The following SLC45A4 variants were observed in gnomAD, a reference collection of about 807,000 sequenced individuals.
SLC45A4 encodes the protein polyamine-transporter SLC45A4.
Under a neutral mutation model 63.7 loss-of-function variants are expected in SLC45A4, and 32 were observed. That is an observed-to-expected ratio of 0.50 (90% CI 0.38 to 0.67). The LOEUF (loss-of-function observed/expected upper bound fraction) is 0.67. Ranked by LOEUF, SLC45A4 falls within the 30% of genes least tolerant of loss-of-function variation. The pLI is 0.00. For synonymous variants in SLC45A4, 535 were observed against 510.0 expected, an observed-to-expected ratio of 1.05 and a Z score of -0.66; for missense variants, 1,027 against 1,157.7, an observed-to-expected ratio of 0.89 and a Z score of 1.64.
intron 1 of SLC45A4, among the ~76,000 whole-genome samples, chr8:141,287,142 A>T (rs1282218445): frequency 6.6e-6 from 1 of 152,152 alleles, no homozygotes; most frequent in African/African-American, 2.4e-5. Flanking sequence ...TCATTCTACA[A>T]CTGAAAACCA....
Position 141,256,031 on chromosome 8 carries a change from TC to T in SLC45A4, c.-400-1403del, listed in dbSNP as rs1828760822. On this transcript the variant is annotated intron_variant, in intron 1 of 8. Transcript: ENST00000517878. The surrounding 1 kb of genome is among the most constrained non-coding windows in gnomAD (Gnocchi z 4.3). ...CTACGGAACCCTATCACCCCAACCC[TC>T]GGCTTTCCACCACCCTGCCTCCAGT... Among the ~76,000 whole-genome samples the T allele has an allele frequency of 6.6e-6, 1 of 152,004 alleles. No homozygotes were observed. Among genetic ancestry groups the T allele is most frequent in the Non-Finnish European group, 1.5e-5 (1 of 67,994 alleles).
intron 2 of SLC45A4, among the ~76,000 whole-genome samples, chr8:141,242,098 C>T (rs1329715499): frequency 1.3e-5 from 2 of 152,202 alleles, no homozygotes; most frequent in Non-Finnish European, 2.9e-5. Flanking sequence ...AGGCGCATCC[C>T]GCCAAGTGTG....
intron 7 of SLC45A4, among the ~76,000 whole-genome samples, chr8:141,214,447 C>T (rs536087105): frequency 4.6e-5 from 7 of 152,228 alleles, no homozygotes; most frequent in African/African-American, 1.4e-4. Flanking sequence ...AATAGAAGGG[C>T]ATGTCACACT....
intron 1 of SLC45A4, among the ~76,000 whole-genome samples, chr8:141,269,618 A>C (rs1165276432): frequency 1.4e-5 from 2 of 144,092 alleles, no homozygotes; most frequent in African/African-American, 5.3e-5. Context: ...ATGTCTGCCT[A>C]TGTGTCTGTG....
chr8:141,249,558 G>A (rs948541763), intron 2 of SLC45A4, among the ~76,000 whole-genome samples: 23 of 152,184 alleles, frequency 1.5e-4, no homozygotes, highest in Admixed American at 1.4e-3. Context: ...TGGGGGCAGC[G>A]GGGGCTGATG....
At chr8:141,232,101 G>C (rs1025125941) in intron 2 of SLC45A4, among the ~76,000 whole-genome samples, 2 of 152,236 alleles carry the variant, frequency 1.3e-5, no homozygotes, top group Non-Finnish European at 2.9e-5. Flanking sequence ...CTACAGAAGG[G>C]GTCTTCAGGG....
At chr8:141,282,494 TCAGGGCACGCCGCC>T (rs1829991361) in intron 1 of SLC45A4, among the ~76,000 whole-genome samples, 1 of 152,138 alleles carries the variant, frequency 6.6e-6, no homozygotes, top group South Asian at 2.1e-4. Context: ...AGGCCGCCGC[TCAGGGCACGCCGCC>T]TCCATCGCTG....
intron 1 of SLC45A4, among the ~76,000 whole-genome samples, chr8:141,296,500 T>TAA (rs35777679): frequency 0.012 from 1,348 of 107,932 alleles, 15 homozygotes; most frequent in South Asian, 0.039. Flanking sequence ...CCTCATTTCT[T>TAA]AAAAAAAAAA....
chr8:141,302,993 CTTTTT>C (rs55974270), intron 1 of SLC45A4, among the ~76,000 whole-genome samples: 12 of 97,254 alleles, frequency 1.2e-4, no homozygotes, highest in Admixed American at 2.1e-4. Flanking sequence ...CTTACAATGT[CTTTTT>C]TTTTTTTTTT....
At chr8:141,225,673 C>T in intron 2 of SLC45A4, 1 of 152,716 alleles carries the variant, frequency 6.5e-6, no homozygotes, top group Non-Finnish European at 1.5e-5. Flanking sequence ...CCGTCCCCAG[C>T]CCAGAAGGGA....
rs1569558203 is a variant in SLC45A4 at position 141,227,528 on chromosome 8, T to G, written c.242-5763A>C. 6.6e-6 allele frequency among the ~76,000 whole-genome samples: 1 copy of G among 152,116 alleles called. No homozygotes were observed. The highest frequency in any genetic ancestry group is 2.4e-5 in the African/African-American group (1 of 41,416). ...AAAGGCTTAGCATCCTTGAGTGACCTCTGATGAATTTAAGTCAAGGAACAC... is the reference window on the plus strand; with the variant it reads ...AAAGGCTTAGCATCCTTGAGTGACCGCTGATGAATTTAAGTCAAGGAACAC... On this transcript the variant is annotated intron_variant, in intron 2 of 8. Transcript: ENST00000517878. This position sits in a 1 kb window ranked among gnomAD's most constrained non-coding sequence, Gnocchi z 4.4.
chr8:141,220,250 G>C (rs922978929), intron 3 of SLC45A4, among the ~76,000 whole-genome samples: 5 of 152,320 alleles, frequency 3.3e-5, no homozygotes, highest in African/African-American at 1.2e-4. Flanking sequence ...ACAACCCGCA[G>C]GGGACACTGA....
chr8:141,260,003 C>T (rs1828982748), intron 1 of SLC45A4, among the ~76,000 whole-genome samples: 1 of 152,198 alleles, frequency 6.6e-6, no homozygotes, highest in Non-Finnish European at 1.5e-5. Context: ...CAGCCACCGG[C>T]TTATGCGTCC....
chr8:141,250,401 G>GT (rs34533385), intron 2 of SLC45A4, among the ~76,000 whole-genome samples: 50,157 of 143,582 alleles, frequency 0.35, 8,646 homozygotes, highest in East Asian at 0.47. Context: ...GGTGTGAGTG[G>GT]TTTTTTTTTT....
chr8:141,274,269 C>A (rs536200598), intron 1 of SLC45A4, among the ~76,000 whole-genome samples: 10 of 151,974 alleles, frequency 6.6e-5, no homozygotes, highest in African/African-American at 2.4e-4. Context: ...TGTGGTAGCT[C>A]ACGCCTGTAA....
At chr8:141,240,075 T>C (rs1046279597) in intron 2 of SLC45A4, among the ~76,000 whole-genome samples, 1 of 152,234 alleles carries the variant, frequency 6.6e-6, no homozygotes, top group Admixed American at 6.5e-5. Flanking sequence ...CAATGAAGAA[T>C]GGAAAGTCTG....
rs1279973429 is a variant in SLC45A4 at position 141,247,088 on chromosome 8, CAT to C, written c.241+6899_241+6900del. Among the ~76,000 whole-genome samples the C allele has an allele frequency of 3.3e-5, 5 of 152,258 alleles. No homozygotes were observed. The East Asian group carries it at 9.6e-4, about 29-fold the overall frequency. The stretch of plus-strand genomic sequence containing the variant: ...GGAAAAAACCGAATGAAGCTGAAAG[CAT>C]AGTCTTTGAAAAGACCAACAAAATT... On this transcript the variant is annotated intron_variant, in intron 2 of 8. Coordinates refer to ENST00000517878, the MANE Select transcript of SLC45A4 (RefSeq NM_001286646.2).
At chr8:141,273,491 G>A (rs908153597) in intron 1 of SLC45A4, among the ~76,000 whole-genome samples, 1 of 152,096 alleles carries the variant, frequency 6.6e-6, no homozygotes, top group Non-Finnish European at 1.5e-5. Context: ...GCAAACGCAG[G>A]TACAAACAAA....
rs1040739590 is a variant in SLC45A4 at position 141,227,750 on chromosome 8, G to T, written c.242-5985C>A. ...GAACCACTACAGCCACAGGAAGATAGGGAGGGGGTGAAAAGAGGGGCAAGC... is the reference window on the plus strand; with the variant it reads ...GAACCACTACAGCCACAGGAAGATATGGAGGGGGTGAAAAGAGGGGCAAGC... On this transcript the variant is annotated intron_variant, in intron 2 of 8. Coordinates refer to ENST00000517878, the MANE Select transcript of SLC45A4 (RefSeq NM_001286646.2). The surrounding 1 kb of genome is among the most constrained non-coding windows in gnomAD (Gnocchi z 4.4). 6.6e-6 allele frequency among the ~76,000 whole-genome samples: 1 copy of T among 152,204 alleles called. No individual in the cohort carries two copies. The highest frequency in any genetic ancestry group is 6.5e-5 in the Admixed American group (1 of 15,294).
Sources: allele counts gnomAD v4.1 joint callset (sites outside exome capture counted in the v4.1 genomes callset), GRCh38; gene constraint gnomAD v4.1.1; non-coding constraint Gnocchi (gnomAD v3.1); transcripts MANE v1.5; gene names NCBI Gene and HGNC (gene_info 2026-07-23, HGNC 2026-07-21).